Variants in APOB observed in about 807,000 individuals in gnomAD.
The protein encoded by APOB is apolipoprotein B, also known as apolipoprotein B-100.
Under a neutral mutation model 314.1 loss-of-function variants are expected in APOB, and 153 were observed. That is an observed-to-expected ratio of 0.49 (90% CI 0.43 to 0.56). The LOEUF (loss-of-function observed/expected upper bound fraction) is 0.56, where lower values mean the gene tolerates loss of function less well. Ranked by LOEUF, APOB falls within the 20% of genes least tolerant of loss-of-function variation. The probability of loss-of-function intolerance (pLI) is 0.00; values close to 1 mark genes in which losing one functional copy is unlikely to be tolerated. For synonymous variants in APOB, 2,087 were observed against 2,036.4 expected, an observed-to-expected ratio of 1.02 and a Z score of -0.67; for missense variants, 5,430 against 5,350.7, an observed-to-expected ratio of 1.01 and a Z score of -0.46.
In APOB at chr2:21,001,924, G is replaced by T; in HGVS notation, c.13498C>A (p.Gln4500Lys). Residue 4500 changes from glutamine to lysine, a missense_variant, in exon 29 of 29, where the codon CAA becomes AAA. By Grantham distance (53) the Gln-to-Lys change is moderately conservative. Around this residue, in one of 3 missense-constraint regions of APOB, gnomAD observed 3,281 missense variants for 3,171.0 expected, o/e 1.03. Coordinates refer to ENST00000233242, the MANE Select transcript of APOB (RefSeq NM_000384.3). ...TCAGAGAGTTGGTCTGAAAAATCTT[G>T]CAGTTTATATCTAAACTGCTGGTGG... is the stretch of plus-strand genomic sequence containing the variant. ...DYHQQFRYKL[Q>K]DFSDQLSDYY... 6.2e-7 allele frequency: 1 copy of T among 1,614,014 alleles called. No homozygotes were observed. Among genetic ancestry groups the T allele is most frequent in the Non-Finnish European group, 8.5e-7 (1 of 1,179,950 alleles).
In APOB at chr2:21,010,854, A is replaced by C. The variant is rs770210040; in HGVS notation, c.6014T>G (p.Ile2005Ser). ...DLDAYNTKDK[I>S]GVELTGRTLA... is the part of the protein sequence containing the mutation. ...AGTTCGTCCAGTAAGCTCCACGCCAATTTTATCTTTAGTGTTGTAAGCATC... is the reference window on the plus strand; with the variant it reads ...AGTTCGTCCAGTAAGCTCCACGCCACTTTTATCTTTAGTGTTGTAAGCATC... The change falls in exon 26 of 29, where the codon ATT becomes AGT. Residue 2005 changes from isoleucine (I) to serine (S), a missense_variant. Ile to Ser is a moderately radical substitution (Grantham distance 142, BLOSUM62 -2). Around this residue, in one of 3 missense-constraint regions of APOB, gnomAD observed 3,281 missense variants for 3,171.0 expected, o/e 1.03. Coordinates refer to ENST00000233242, the MANE Select transcript of APOB (RefSeq NM_000384.3). 1 of 1,614,050 alleles carries C rather than the reference A, an allele frequency of 6.2e-7. No individual in the cohort carries two copies. The highest frequency in any genetic ancestry group is 8.5e-7 in the Non-Finnish European group (1 of 1,180,002).
Position 21,008,020 on chromosome 2 carries a change from T to C in APOB, c.8848A>G (p.Ile2950Val), listed in dbSNP as rs1663195565. 1.2e-6 allele frequency: 2 copies of C among 1,613,990 alleles called. No homozygotes were observed. ...CCAAAGGAAGTGAGGGGTCCTTCTA[T>C]GGTGAAACTAATTTGTGATTCATGT... ...GTHESQISFT[I>V]EGPLTSFGLS... Residue 2950 changes from isoleucine (I) to valine (V), a missense_variant, in exon 26 of 29, where the codon ATA (isoleucine) becomes GTA (valine). Physicochemically the swap from Ile to Val is conservative, Grantham distance 29. Coordinates refer to ENST00000233242, the MANE Select transcript of APOB (RefSeq NM_000384.3).
In APOB at chr2:21,002,083, T is replaced by G; in HGVS notation, c.13339A>C (p.Asn4447His). The change falls in exon 29 of 29, where the codon AAT (asparagine) becomes CAT (histidine). Residue 4447 changes from asparagine to histidine, a missense_variant. Transcript: ENST00000233242. ...SSQVEQFLHR[N>H]IQEYLSILTD... ...AGGATGCTAAGATATTCCTGAATAT[T>G]TCTGTGCAGAAATTGCTCAACTTGA... 6.2e-7 allele frequency: 1 copy of G among 1,614,038 alleles called. No individual in the cohort carries two copies. Among genetic ancestry groups the G allele is most frequent in the Non-Finnish European group, 8.5e-7 (1 of 1,179,990 alleles).
rs565963363 is a variant in APOB at position 21,013,304 on chromosome 2, G to A, written c.4072C>T (p.Leu1358Phe). Reference protein sequence around the residue: ...LQVPLLGVLDLSTNVYSNLYN... With the variant: ...LQVPLLGVLDFSTNVYSNLYN... ...AAGTTGCTGTAGACATTCGTGGAGAGGTCTAGAACACCCAGGAGAGGCACT... is the reference window on the plus strand; with the variant it reads ...AAGTTGCTGTAGACATTCGTGGAGAAGTCTAGAACACCCAGGAGAGGCACT... The change falls in exon 25 of 29, where the codon CTC becomes TTC. Residue 1358 changes from leucine to phenylalanine, a missense_variant. Physicochemically the swap from Leu to Phe is conservative, Grantham distance 22 (BLOSUM62 0). This residue lies in a region of APOB where 2,085 missense variants were observed against 2,079.7 expected (regional missense o/e 1.00). Transcript: ENST00000233242. The A allele has an allele frequency of 3.1e-6, 5 of 1,614,018 alleles. No individual in the cohort carries two copies. Among genetic ancestry groups the A allele is most frequent in the Non-Finnish European group, 8.5e-7 (1 of 1,180,030 alleles).
In APOB at chr2:21,012,174, T is replaced by C. The variant is rs772631369; in HGVS notation, c.4694A>G (p.Asn1565Ser). 2 of 1,601,652 alleles carry C rather than the reference T, an allele frequency of 1.2e-6. No homozygotes were observed. The highest frequency in any genetic ancestry group is 1.1e-5 in the South Asian group (1 of 89,048). ...GTCAGATTTTAAAGTCAGCTCGTAG[T>C]TCTCATACTTTAGGGAAGCAGTATT... The part of the protein sequence containing the change: ...IKNTASLKYE[N>S]YELTLKSDTN... The change falls in exon 26 of 29, where the codon AAC (asparagine) becomes AGC (serine). Residue 1565 changes from asparagine (N) to serine (S), a missense_variant. Physicochemically the swap from Asn to Ser is conservative, Grantham distance 46. This residue lies in a region of APOB where 2,085 missense variants were observed against 2,079.7 expected (regional missense o/e 1.00). Coordinates refer to ENST00000233242, the MANE Select transcript of APOB (RefSeq NM_000384.3).
In APOB at chr2:21,006,965, T is replaced by C. The variant is rs748780242; in HGVS notation, c.9903A>G (p.Ser3301=). The part of the protein sequence containing the change: ...RVPSYTLILP[S]LELPVLHVPR... Reference sequence around the variant, plus strand: ...GGACATGAAGGACTGGCAGCTCTAATGATGGCAGGATTAATGTGTATGAAG... The same window carrying C: ...GGACATGAAGGACTGGCAGCTCTAACGATGGCAGGATTAATGTGTATGAAG... The change falls in exon 26 of 29, where the codon TCA becomes TCG. Residue 3301 remains serine (S), a synonymous_variant. Coordinates refer to ENST00000233242, the MANE Select transcript of APOB (RefSeq NM_000384.3). 1.2e-6 allele frequency: 2 copies of C among 1,614,020 alleles called. No homozygotes were observed. Among genetic ancestry groups the C allele is most frequent in the South Asian group, 2.2e-5 (2 of 91,082 alleles).
Position 21,025,269 on chromosome 2 carries a change from T to A in APOB, c.2245-145A>T. 3.9e-6 allele frequency: 3 copies of A among 763,246 alleles called. No homozygotes were observed. In the South Asian group the frequency reaches 4.4e-5, roughly 11 times the overall value. The allele number at this position is 763,246 out of a possible 1,614,324, so 47.3% of individuals were successfully genotyped here. On this transcript the variant is annotated intron_variant, in intron 15 of 28. Transcript: ENST00000233242. ...AACAGGGAGACACTGAAGTCCAGGC[T>A]AATTCCTCTAAGCAGAGATTAAAGA...
In APOB at chr2:21,023,577, G is replaced by C; in HGVS notation, c.2552C>G (p.Ser851Cys). The change falls in exon 17 of 29, where the codon TCT becomes TGT. Residue 851 changes from serine to cysteine, a missense_variant. Coordinates refer to ENST00000233242, the MANE Select transcript of APOB (RefSeq NM_000384.3). Reference sequence around the variant, plus strand: ...CTTGGCTCCGGGAGCAATGACTCCAGATGAAGATATTTGCAACTGTAATCC... The same window carrying C: ...CTTGGCTCCGGGAGCAATGACTCCACATGAAGATATTTGCAACTGTAATCC... ...GAGLQLQISS[S>C]GVIAPGAKAG... 1 of 1,614,198 alleles carries C rather than the reference G, an allele frequency of 6.2e-7. No homozygotes were observed. The highest frequency in any genetic ancestry group is 1.3e-5 in the African/African-American group (1 of 75,060).
At position 21,014,440 on chromosome 2, in the gene APOB, T is replaced by C; in HGVS notation, c.3842+8A>G. The C allele has an allele frequency of 6.2e-7, 1 of 1,614,162 alleles. No individual in the cohort carries two copies. Among genetic ancestry groups the C allele is most frequent in the Admixed American group, 1.7e-5 (1 of 60,026 alleles). ...GGTTCAAGAAGCCTTGCTGCTTTCTTCTTTTACCTTTTTAAGAAGAGGTTT... is the reference window on the plus strand; with the variant it reads ...GGTTCAAGAAGCCTTGCTGCTTTCTCCTTTTACCTTTTTAAGAAGAGGTTT... On this transcript the variant is annotated splice_region_variant and intron_variant, in intron 24 of 28. Transcript: ENST00000233242.
At chr2:21,013,578 T>A (rs1458323191) in intron 24 of APOB, 45 bp from the exon 25 acceptor site, 1 of 1,612,906 alleles carries the variant, frequency 6.2e-7, no homozygotes, top group Admixed American at 1.7e-5. Flanking sequence ...CAGACATCAG[T>A]CATTCAAAGT....
At position 21,034,157 on chromosome 2, in the gene APOB, A is replaced by C. The variant is rs562742354; in HGVS notation, c.905-639T>G. The stretch of plus-strand genomic sequence containing the variant: ...GAAGAGAGGTAAAAGTCATCATGGA[A>C]ATGTGGTGTAATGAGAATAGTCCTG... On this transcript the variant is annotated intron_variant, in intron 8 of 28. Transcript: ENST00000233242. 5.9e-5 allele frequency among the ~76,000 whole-genome samples: 9 copies of C among 152,292 alleles called. No homozygotes were observed. The East Asian group carries it at 1.2e-3, about 20-fold the overall frequency.
In APOB at chr2:21,006,358, C is replaced by G. The variant is rs138158833; in HGVS notation, c.10510G>C (p.Val3504Leu). Residue 3504 changes from valine (V) to leucine (L), a missense_variant, in exon 26 of 29, where the codon GTT becomes CTT. Around this residue, in one of 3 missense-constraint regions of APOB, gnomAD observed 3,281 missense variants for 3,171.0 expected, o/e 1.03. Transcript: ENST00000233242. ...GTTCCTGAATATTCCCGAGAAAGAA[C>G]CGAACCCTTGACATCTCCTTTGGTA... ...SSTKGDVKGSVLSREYSGTIA... is the reference protein window; with the variant it reads ...SSTKGDVKGSLLSREYSGTIA... 1.2e-6 allele frequency: 2 copies of G among 1,614,002 alleles called. No individual in the cohort carries two copies. Among genetic ancestry groups the G allele is most frequent in the African/African-American group, 1.3e-5 (1 of 75,028 alleles).
In APOB at chr2:21,010,802, G is replaced by C. The variant is rs1349202575; in HGVS notation, c.6066C>G (p.Ser2022=). 1.2e-6 allele frequency: 2 copies of C among 1,614,114 alleles called. No homozygotes were observed. Among genetic ancestry groups the C allele is most frequent in the Non-Finnish European group, 1.7e-6 (2 of 1,180,006 alleles). The part of the protein sequence containing the change: ...RTLADLTLLD[S]PIKVPLLLSE... The stretch of plus-strand genomic sequence containing the variant: ...TGAGTAAAAGTGGCACTTTAATTGG[G>C]GAGTCTAGTAGAGTTAGGTCAGCCA... The change falls in exon 26 of 29, where the codon TCC becomes TCG. Residue 2022 remains serine (S), a synonymous_variant. Coordinates refer to ENST00000233242, the MANE Select transcript of APOB (RefSeq NM_000384.3).
Position 21,008,557 on chromosome 2 carries a change from A to G in APOB, c.8311T>C (p.Leu2771=), listed in dbSNP as rs1179522366. 6.2e-7 allele frequency: 1 copy of G among 1,613,994 alleles called. No individual in the cohort carries two copies. Among genetic ancestry groups the G allele is most frequent in the Non-Finnish European group, 8.5e-7 (1 of 1,179,990 alleles). The change falls in exon 26 of 29, where the codon TTA becomes CTA. Residue 2771 remains leucine, a synonymous_variant. Coordinates refer to ENST00000233242, the MANE Select transcript of APOB (RefSeq NM_000384.3). ...ILKIQSPLFT[L]DANADIGNGT... ...TTCCCTATGTCAGCATTTGCATCTA[A>G]TGTGAAAAGAGGAGATTGGATTTTC... is the stretch of plus-strand genomic sequence containing the variant.
chr2:21,011,081 G>T lies in APOB; in HGVS notation c.5787C>A (p.Ser1929Arg). 1 of 1,614,188 alleles carries T rather than the reference G, an allele frequency of 6.2e-7. No individual in the cohort carries two copies. The highest frequency in any genetic ancestry group is 1.1e-5 in the South Asian group (1 of 91,086). The change falls in exon 26 of 29, where the codon AGC becomes AGA. Residue 1929 changes from serine to arginine, a missense_variant. Around this residue, in one of 3 missense-constraint regions of APOB, gnomAD observed 3,281 missense variants for 3,171.0 expected, o/e 1.03. Coordinates refer to ENST00000233242, the MANE Select transcript of APOB (RefSeq NM_000384.3). ...GAGGTTCTGCTTTCAACAGGAATTTGCTATACAGCTGCCCAGTATGTTCTC... is the reference window on the plus strand; with the variant it reads ...GAGGTTCTGCTTTCAACAGGAATTTTCTATACAGCTGCCCAGTATGTTCTC... ...LWGEHTGQLY[S>R]KFLLKAEPLA...
At position 21,002,114 on chromosome 2, in the gene APOB, G is replaced by C. The variant is rs754253964; in HGVS notation, c.13308C>G (p.Leu4436=). ...IVSASNFTSQ[L]SSQVEQFLHR... is the part of the protein sequence containing the mutation. Reference sequence around the variant, plus strand: ...GCAGAAATTGCTCAACTTGACTTGAGAGTTGGGAAGTAAAGTTAGAGGCAC... The same window carrying C: ...GCAGAAATTGCTCAACTTGACTTGACAGTTGGGAAGTAAAGTTAGAGGCAC... The change falls in exon 29 of 29, where the codon CTC becomes CTG. Residue 4436 remains leucine, a synonymous_variant. Coordinates refer to ENST00000233242, the MANE Select transcript of APOB (RefSeq NM_000384.3). The C allele has an allele frequency of 1.2e-6, 2 of 1,613,960 alleles. No homozygotes were observed. The highest frequency in any genetic ancestry group is 1.7e-6 in the Non-Finnish European group (2 of 1,179,990).
At chr2:21,028,671 C>A in intron 12 of APOB, 133 bp from the exon 13 acceptor site, 1 of 685,092 alleles carries the variant, frequency 1.5e-6, no homozygotes, top group African/African-American at 1.8e-5. Flanking sequence ...TCTTCAAATG[C>A]TGGTATTGAA....
chr2:21,012,337 T>C lies in APOB; in HGVS notation c.4531A>G (p.Thr1511Ala). ...TTGGACTCTCCATTGAGCCGGCCAG[T>C]GTTAGGATCCCTCTGACAAGACAGG... ...YGLSCQRDPN[T>A]GRLNGESNLR... Residue 1511 changes from threonine to alanine, a missense_variant, in exon 26 of 29, where the codon ACT (threonine) becomes GCT (alanine). Physicochemically the swap from Thr to Ala is moderately conservative, Grantham distance 58 (BLOSUM62 0). Transcript: ENST00000233242. 1 of 1,614,160 alleles carries C rather than the reference T, an allele frequency of 6.2e-7. No individual in the cohort carries two copies. Among genetic ancestry groups the C allele is most frequent in the Middle Eastern group, 1.6e-4 (1 of 6,062 alleles).
chr2:21,022,715 C>A, intron 18 of APOB, 116 bp downstream of exon 18: 1 of 928,516 alleles, frequency 1.1e-6, no homozygotes, highest in South Asian at 1.4e-5. Context: ...TACTCCTCTC[C>A]TGCTTCCTCA....
Sources: allele counts gnomAD v4.1 joint callset (sites outside exome capture counted in the v4.1 genomes callset), GRCh38; gene constraint gnomAD v4.1.1; regional missense constraint gnomAD v4.1.1; transcripts MANE v1.5; gene names NCBI Gene and HGNC (gene_info 2026-07-23, HGNC 2026-07-21).